SIRPB2: variants seen among roughly 807,000 people sequenced by gnomAD.
The protein encoded by SIRPB2 is signal regulatory protein beta 2.
A neutral mutation model predicts 27.1 loss-of-function variants in SIRPB2; 18 were observed. That is an observed-to-expected ratio of 0.66 (90% CI 0.46 to 0.98). The LOEUF (loss-of-function observed/expected upper bound fraction) is 0.98, where lower values mean the gene tolerates loss of function less well. Among genes scored for constraint, SIRPB2 ranks in the 50% least tolerant of loss-of-function variants. SIRPB2 has a pLI of 0.00. For synonymous variants in SIRPB2, 150 were observed against 164.6 expected (o/e 0.91, Z 0.68); for missense variants, 420 against 417.4 (o/e 1.01, Z -0.06).
At chr20:1,489,897 G>T (rs1294087346) in intron 1 of SIRPB2, among the ~76,000 whole-genome samples, 1 of 152,158 alleles carries the variant, frequency 6.6e-6, no homozygotes, top group Admixed American at 6.5e-5. Context: ...AAACTATTGA[G>T]CAACACAGCA....
downstream of SIRPB2, among the ~76,000 whole-genome samples, chr20:1,471,307 C>G (rs1458889148): frequency 6.6e-6 from 1 of 152,182 alleles, no homozygotes; most frequent in African/African-American, 2.4e-5. Context: ...GGTGTGTGCA[C>G]TTGTGCATGC....
intron 1 of SIRPB2, among the ~76,000 whole-genome samples, chr20:1,483,269 G>A (rs1328320911): frequency 6.6e-6 from 1 of 150,940 alleles, no homozygotes; most frequent in Non-Finnish European, 1.5e-5. Flanking sequence ...ACTACACTTG[G>A]CTAATGTTTG....
At chr20:1,490,604 T>A (rs2090767993) in intron 1 of SIRPB2, among the ~76,000 whole-genome samples, 1 of 152,222 alleles carries the variant, frequency 6.6e-6, no homozygotes, top group Non-Finnish European at 1.5e-5. Context: ...ATGGGTATTA[T>A]CTTGTTAAAT....
Position 1,479,864 on chromosome 20 carries a change from A to G in SIRPB2, c.287T>C (p.Met96Thr). 6.2e-7 allele frequency: 1 copy of G among 1,614,226 alleles called. No homozygotes were observed. Among genetic ancestry groups the G allele is most frequent in the Non-Finnish European group, 8.5e-7 (1 of 1,180,050 alleles). Residue 96 changes from methionine (M) to threonine (T), a missense_variant, in exon 2 of 5, where the codon ATG (methionine) becomes ACG (threonine). By Grantham distance (81) the Met-to-Thr change is moderately conservative. Coordinates refer to ENST00000359801, the MANE Select transcript of SIRPB2 (RefSeq NM_001122962.2). Reference sequence around the variant, plus strand: ...TTCTGATGTCCGTTGGATCATGGGCATTACCCCAGGGAAGGAGCCACGTTT... The same window carrying G: ...TTCTGATGTCCGTTGGATCATGGGCGTTACCCCAGGGAAGGAGCCACGTTT... ...NFKRGSFPGV[M>T]PMIQRTSEPL... is the part of the protein sequence containing the mutation.
downstream of SIRPB2, chr20:1,473,944 C>A: frequency 2.2e-6 from 1 of 449,392 alleles, no homozygotes; most frequent in Admixed American, 2.4e-5. Context: ...AAGGTATTGG[C>A]AGGGCCACAC....
At chr20:1,471,707 C>T (rs993205855), downstream of SIRPB2, among the ~76,000 whole-genome samples, 10 of 152,160 alleles carry the variant, frequency 6.6e-5, no homozygotes, top group South Asian at 1.2e-3. Flanking sequence ...ACCCCGATAC[C>T]GCCACCCCAA....
intron 1 of SIRPB2, among the ~76,000 whole-genome samples, chr20:1,485,940 GAA>G (rs1373470181): frequency 6.6e-6 from 1 of 151,888 alleles, no homozygotes; most frequent in African/African-American, 2.4e-5. Flanking sequence ...TTCTCAAGAA[GAA>G]AAAGACAACC....
At chr20:1,482,244 G>T (rs6135061) in intron 1 of SIRPB2, among the ~76,000 whole-genome samples, 42,283 of 151,878 alleles carry the variant, frequency 0.28, 6,845 homozygotes, top group East Asian at 0.74. Context: ...TGGGTACATT[G>T]CAGGTCCTCT....
chr20:1,479,440 G>A, intron 2 of SIRPB2: 2 of 528,098 alleles, frequency 3.8e-6, no homozygotes, highest in Non-Finnish European at 6.8e-6. Flanking sequence ...TACTTGAAGA[G>A]TTGGGACTGG....
downstream of SIRPB2, chr20:1,473,320 C>G (rs1277014226): frequency 1.3e-5 from 2 of 152,574 alleles, no homozygotes; most frequent in Non-Finnish European, 2.9e-5. Flanking sequence ...GTGGGGACAA[C>G]TAACAACCAT....
intron 3 of SIRPB2, chr20:1,478,040 T>C (rs560437870): frequency 3.0e-6 from 2 of 667,770 alleles, no homozygotes; most frequent in Non-Finnish European, 5.5e-6. Context: ...AGAAATTAAC[T>C]CTGCTTGAGA....
chr20:1,480,294 CG>C, intron 1 of SIRPB2: 1 of 552,254 alleles, frequency 1.8e-6, no homozygotes, highest in Non-Finnish European at 3.2e-6. Flanking sequence ...AAGTGCTCAC[CG>C]TGTGCTGGGC....
At chr20:1,477,210 T>C (rs1353779186) in intron 4 of SIRPB2, 128 bp downstream of exon 4, 2 of 1,611,190 alleles carry the variant, frequency 1.2e-6, no homozygotes, top group Non-Finnish European at 1.7e-6. Flanking sequence ...TGAGATGAAG[T>C]CCTGGGAGCA....
chr20:1,477,647 C>T (rs570686301), intron 3 of SIRPB2, among the ~76,000 whole-genome samples: 53 of 152,322 alleles, frequency 3.5e-4, no homozygotes, highest in Admixed American at 3.1e-3. Context: ...ACTCAACAGT[C>T]ATGTAGTAGA....
At chr20:1,483,649 C>A (rs1419606539) in intron 1 of SIRPB2, among the ~76,000 whole-genome samples, 1 of 151,998 alleles carries the variant, frequency 6.6e-6, no homozygotes, top group Non-Finnish European at 1.5e-5. Context: ...CTTGTATATT[C>A]CAGATATTAG....
intron 1 of SIRPB2, among the ~76,000 whole-genome samples, chr20:1,483,983 T>C (rs753815258): frequency 2.5e-4 from 38 of 152,334 alleles, no homozygotes; most frequent in East Asian, 1.9e-4. Flanking sequence ...ATTGGTATAA[T>C]AGACCAAGGG....
chr20:1,479,409 T>C, intron 2 of SIRPB2: 1 of 437,968 alleles, frequency 2.3e-6, no homozygotes, highest in East Asian at 4.5e-5. Flanking sequence ...GCAGACATAA[T>C]GTGAGTAGAT....
chr20:1,476,334 G>A lies in SIRPB2; in HGVS notation c.862C>T (p.Leu288Phe), dbSNP rs1413876001. 1 of 1,611,342 alleles carries A rather than the reference G, an allele frequency of 6.2e-7. No homozygotes were observed. Among genetic ancestry groups the A allele is most frequent in the Non-Finnish European group, 8.5e-7 (1 of 1,179,170 alleles). The change falls in exon 5 of 5, where the codon CTC becomes TTC. Residue 288 changes from leucine to phenylalanine, a missense_variant and splice_region_variant. Leu to Phe is a conservative substitution (Grantham distance 22). Transcript: ENST00000359801. ...EPATEMSPTG[L>F]LVVFAPVVLG... ...ACCACAGGTGCGAACACAACCAGGAGGCCTGGGAGGCACAGGAGAGAGCTC... is the reference window on the plus strand; with the variant it reads ...ACCACAGGTGCGAACACAACCAGGAAGCCTGGGAGGCACAGGAGAGAGCTC...
intron 1 of SIRPB2, among the ~76,000 whole-genome samples, chr20:1,488,043 T>C (rs1365780694): frequency 6.6e-6 from 1 of 152,224 alleles, no homozygotes; most frequent in East Asian, 1.9e-4. Flanking sequence ...AAAGATTTCT[T>C]AGATGTAACA....
Sources: gnomAD v4.1 joint callset for allele counts (sites outside exome capture counted in the v4.1 genomes callset) on GRCh38, gnomAD v4.1.1 for gene constraint, MANE v1.5 for transcripts, NCBI Gene and HGNC (gene_info 2026-07-23, HGNC 2026-07-21) for gene names.